Variants in PARM1 observed in about 807,000 individuals in gnomAD.
PARM1 encodes the protein WSC4, cell wall integrity and stress response component 4 homolog.
Under a neutral mutation model 24.6 loss-of-function variants are expected in PARM1, and 14 were observed. The observed-to-expected ratio is 0.57, with a 90% CI of 0.38 to 0.89. PARM1 has a LOEUF of 0.89. Among genes scored for constraint, PARM1 ranks in the 40% least tolerant of loss-of-function variants. The pLI is 0.00. For missense variants in PARM1, 362 were observed against 380.4 expected, an observed-to-expected ratio of 0.95 and a Z score of 0.40; for synonymous variants, 179 against 156.6, an observed-to-expected ratio of 1.14 and a Z score of -1.07.
chr4:75,012,344 C>T lies in PARM1; in HGVS notation c.44-81C>T. 2.8e-6 allele frequency: 4 copies of T among 1,440,762 alleles called. No homozygotes were observed. In the South Asian group the frequency reaches 3.8e-5, roughly 14 times the overall value. The allele number at this position is 1,440,762 out of a possible 1,614,324, so 89.2% of individuals were successfully genotyped here. On this transcript the variant is annotated intron_variant, in intron 1 of 3. Transcript: ENST00000307428. Reference sequence around the variant, plus strand: ...TACCTGTGAAAATGCTGTAAAACAGCTGTGGGTAAAAGCCTTGCCTCTATT... The same window carrying T: ...TACCTGTGAAAATGCTGTAAAACAGTTGTGGGTAAAAGCCTTGCCTCTATT...
In PARM1 at chr4:74,936,379, C is replaced by T. The variant is rs186560808; in HGVS notation, c.43+3009C>T. ...TGGTAGCTTCCACATTTATCCCTCT[C>T]CTGCTCCCCTCGGGATTCTCTTCCT... On this transcript the variant is annotated intron_variant, in intron 1 of 3. Transcript: ENST00000307428. Among the ~76,000 whole-genome samples the T allele has an allele frequency of 4.3e-3, 662 of 152,224 alleles. 8 individuals are homozygous for T. Among genetic ancestry groups the T allele is most frequent in the African/African-American group, 0.015 (629 of 41,542 alleles).
rs907640155 is a variant in PARM1 at position 74,989,247 on chromosome 4, T to C, written c.44-23178T>C. Among the ~76,000 whole-genome samples the C allele has an allele frequency of 3.7e-4, 57 of 152,224 alleles. No homozygotes were observed. The Middle Eastern group carries it at 0.01, about 27-fold the overall frequency. ...CAGATCCCACAGCTTAAGGGCTCAG[T>C]CCCACAAGACTGCCCCTACTTCAGA... On this transcript the variant is annotated intron_variant, in intron 1 of 3. Transcript: ENST00000307428.
At chr4:74,962,641 G>A (rs892124020) in intron 1 of PARM1, among the ~76,000 whole-genome samples, 2 of 152,210 alleles carry the variant, frequency 1.3e-5, no homozygotes, top group African/African-American at 4.8e-5. Flanking sequence ...GAGCAGGGGT[G>A]AATAGGTAGG....
chr4:74,942,915 G>GAC (rs2109981301), intron 1 of PARM1, among the ~76,000 whole-genome samples: 1 of 152,254 alleles, frequency 6.6e-6, no homozygotes, highest in East Asian at 1.9e-4. Context: ...TGACCATCAA[G>GAC]ACCTCCGTGA....
At chr4:74,947,752 A>G (rs1721437073) in intron 1 of PARM1, among the ~76,000 whole-genome samples, 1 of 152,190 alleles carries the variant, frequency 6.6e-6, no homozygotes. Flanking sequence ...AAACTGGCTG[A>G]AAGGAACATG....
chr4:75,029,704 G>C (rs719369), intron 2 of PARM1, among the ~76,000 whole-genome samples: 5,322 of 152,058 alleles, frequency 0.035, 333 homozygotes, highest in African/African-American at 0.12. Flanking sequence ...AACCACCTTG[G>C]TCACTGATGG....
chr4:75,020,009 CAAAA>C (rs1161399344), intron 2 of PARM1, among the ~76,000 whole-genome samples: 9 of 31,096 alleles, frequency 2.9e-4, no homozygotes, highest in East Asian at 2.6e-3. Flanking sequence ...GACTCCGTCT[CAAAA>C]AAAAAAAAAA....
intron 1 of PARM1, among the ~76,000 whole-genome samples, chr4:75,003,708 G>A (rs913488525): frequency 5.9e-5 from 9 of 152,174 alleles, no homozygotes; most frequent in Non-Finnish European, 1.3e-4. Flanking sequence ...GAATGGTTTT[G>A]TAGATGTTAG....
At chr4:74,991,091 TA>T (rs1317152042) in intron 1 of PARM1, among the ~76,000 whole-genome samples, 4 of 152,138 alleles carry the variant, frequency 2.6e-5, no homozygotes, top group Non-Finnish European at 5.9e-5. Flanking sequence ...AGAAGTCAGA[TA>T]ACATGGGTTC....
chr4:75,034,638 A>T (rs896352070), intron 3 of PARM1: 9 of 152,324 alleles, frequency 5.9e-5, no homozygotes, highest in African/African-American at 2.2e-4. Context: ...AAGTCTCAAC[A>T]CCACATTACT....
intron 1 of PARM1, among the ~76,000 whole-genome samples, chr4:74,958,100 G>C (rs959692236): frequency 6.6e-6 from 1 of 152,170 alleles, no homozygotes; most frequent in Non-Finnish European, 1.5e-5. Flanking sequence ...GCCTGAAGGT[G>C]GTGGAGCTCT....
At chr4:74,978,815 C>T (rs1722189033) in intron 1 of PARM1, among the ~76,000 whole-genome samples, 1 of 152,116 alleles carries the variant, frequency 6.6e-6, no homozygotes, top group Non-Finnish European at 1.5e-5. Context: ...TTACTCAAAA[C>T]CACACAATTT....
intron 1 of PARM1, among the ~76,000 whole-genome samples, chr4:74,948,710 A>C (rs1253840146): frequency 1.3e-5 from 2 of 152,218 alleles, no homozygotes; most frequent in African/African-American, 4.8e-5. Context: ...GTGATTACAC[A>C]TCAGCAAATG....
At chr4:74,987,339 G>A (rs1163119936) in intron 1 of PARM1, among the ~76,000 whole-genome samples, 1 of 152,020 alleles carries the variant, frequency 6.6e-6, no homozygotes, top group Non-Finnish European at 1.5e-5. Flanking sequence ...TTTGTTAGCT[G>A]GGGGCATGAG....
At chr4:74,933,746 C>G (rs1019461753) in intron 1 of PARM1, among the ~76,000 whole-genome samples, 2 of 152,110 alleles carry the variant, frequency 1.3e-5, no homozygotes, top group Admixed American at 6.5e-5. Context: ...TTCTTGTTGC[C>G]GTTGGGCCCT....
rs141372112 is a variant in PARM1 at position 74,997,160 on chromosome 4, C to T, written c.44-15265C>T. 1.7e-4 allele frequency among the ~76,000 whole-genome samples: 26 copies of T among 152,200 alleles called. 1 individual carries two copies. The East Asian group carries it at 3.5e-3, about 20-fold the overall frequency. Reference sequence around the variant, plus strand: ...CCTTTAGGGTGAGATGGGAACCTGTCGTGTTAAAAGCAGCCTCTGAGCTAG... The same window carrying T: ...CCTTTAGGGTGAGATGGGAACCTGTTGTGTTAAAAGCAGCCTCTGAGCTAG... On this transcript the variant is annotated intron_variant, in intron 1 of 3. Transcript: ENST00000307428.
intron 3 of PARM1, among the ~76,000 whole-genome samples, chr4:75,043,870 C>T (rs962412858): frequency 5.9e-5 from 9 of 152,120 alleles, no homozygotes; most frequent in Non-Finnish European, 1.0e-4. Flanking sequence ...TATTTATGGT[C>T]TCTTTCATTC....
Position 74,933,319 on chromosome 4 carries a change from C to T in PARM1, c.-9C>T. ...CCGCCCCGGGCTGGGCACCAAATACCAGGCTACCATGGTCTACAAGACTCT... is the reference window on the plus strand; with the variant it reads ...CCGCCCCGGGCTGGGCACCAAATACTAGGCTACCATGGTCTACAAGACTCT... On this transcript the variant is annotated 5_prime_UTR_variant, in exon 1 of 4. Transcript: ENST00000307428. The T allele has an allele frequency of 6.2e-7, 1 of 1,609,244 alleles. No homozygotes were observed. The highest frequency in any genetic ancestry group is 8.5e-7 in the Non-Finnish European group (1 of 1,177,934).
rs143333786 is a variant in PARM1 at position 74,945,882 on chromosome 4, T to A, written c.43+12512T>A. 2.2e-3 allele frequency among the ~76,000 whole-genome samples: 342 copies of A among 152,346 alleles called. 1 individual carries two copies. Among genetic ancestry groups the A allele is most frequent in the Admixed American group, 3.3e-3 (50 of 15,294 alleles). ...TGGTGTAGGTAAATGCTGGAGGATA[T>A]GTTATTAATACTCTATGACATTATC... On this transcript the variant is annotated intron_variant, in intron 1 of 3. Coordinates refer to ENST00000307428, the MANE Select transcript of PARM1 (RefSeq NM_015393.4).
Sources: gnomAD v4.1 joint callset for allele counts (sites outside exome capture counted in the v4.1 genomes callset) on GRCh38, gnomAD v4.1.1 for gene constraint, MANE v1.5 for transcripts, NCBI Gene and HGNC (gene_info 2026-07-23, HGNC 2026-07-21) for gene names.